FGF13: variants seen among roughly 807,000 people sequenced by gnomAD.
FGF13 encodes fibroblast growth factor homologous factor 2.
In FGF13, 2 loss-of-function variants were observed where a neutral mutation model predicts 19.5. The ratio of observed to expected loss-of-function variants is 0.10; its 90% CI spans 0.04 to 0.32. The LOEUF is 0.32. Among genes scored for constraint, FGF13 ranks in the 10% least tolerant of loss-of-function variants. FGF13 has a pLI of 1.00. For missense variants in FGF13, 113 were observed against 192.7 expected, an observed-to-expected ratio of 0.59 and a Z score of 2.45; for synonymous variants, 72 against 76.9, an observed-to-expected ratio of 0.94 and a Z score of 0.33.
intron 1 of FGF13, among the ~76,000 whole-genome samples, chrX:139,122,754 C>G (rs758196989): frequency 2.7e-5 from 3 of 111,509 alleles, no homozygotes; most frequent in Admixed American, 9.6e-5. Flanking sequence ...CTCAGTCCCT[C>G]AGACCAAACT....
At chrX:138,967,075 C>G (rs1162278073) in intron 1 of FGF13, among the ~76,000 whole-genome samples, 2 of 111,132 alleles carry the variant, frequency 1.8e-5, no homozygotes, top group Admixed American at 9.6e-5. Flanking sequence ...TATAAATTAT[C>G]CAGTCTTGGG....
At chrX:138,719,851 C>T (rs1382397232) in intron 1 of FGF13, among the ~76,000 whole-genome samples, 1 of 112,700 alleles carries the variant, frequency 8.9e-6, no homozygotes, top group East Asian at 2.8e-4. Context: ...TTTCGTGCAA[C>T]CACTGAAGGC....
chrX:139,096,347 A>G (rs2083469969), intron 1 of FGF13, among the ~76,000 whole-genome samples: 1 of 111,936 alleles, frequency 8.9e-6, no homozygotes, highest in African/African-American at 3.2e-5. Context: ...CTTGAGAAGC[A>G]ATGAGTATTT....
intron 1 of FGF13, among the ~76,000 whole-genome samples, chrX:139,097,553 A>C (rs1603198593): frequency 1.2e-5 from 1 of 83,272 alleles, no homozygotes; most frequent in African/African-American, 5.0e-5. Context: ...AAAAGGTGGC[A>C]AAAAAAAAGG....
chrX:138,953,786 A>G (rs2091826848), intron 1 of FGF13, among the ~76,000 whole-genome samples: 1 of 110,874 alleles, frequency 9.0e-6, no homozygotes, highest in African/African-American at 3.3e-5. Flanking sequence ...CAGATCTTAA[A>G]TCACCATCTG....
intron 3 of FGF13, among the ~76,000 whole-genome samples, chrX:138,752,969 G>T (rs1351210578): frequency 1.8e-5 from 2 of 111,989 alleles, no homozygotes; most frequent in Non-Finnish European, 3.8e-5. Context: ...AACATGAAAT[G>T]AATCTTAAAA....
Position 138,781,222 on chromosome X carries a change from C to A in FGF13, c.218-72294G>T, listed in dbSNP as rs777436107. Among the ~76,000 whole-genome samples the A allele has an allele frequency of 1.6e-3, 180 of 109,865 alleles. 1 individual carries two copies. The highest frequency in any genetic ancestry group is 2.8e-3 in the Non-Finnish European group (150 of 52,798). On this transcript the variant is annotated intron_variant, in intron 3 of 6. Coordinates refer to the FGF13 transcript ENST00000436198. Reference sequence around the variant, plus strand: ...GCCTACAAGAGAAAGCAGGAAAGATCAAAAATTGACACCCTAACATCACAA... The same window carrying A: ...GCCTACAAGAGAAAGCAGGAAAGATAAAAAATTGACACCCTAACATCACAA...
intron 2 of FGF13, among the ~76,000 whole-genome samples, chrX:138,861,988 G>A (rs2091290685): frequency 8.9e-6 from 1 of 111,993 alleles, no homozygotes; most frequent in African/African-American, 3.2e-5. Context: ...GGGCGACAGA[G>A]TGAGACGCCA....
intron 1 of FGF13, among the ~76,000 whole-genome samples, chrX:138,973,134 C>T (rs185218007): frequency 8.0e-5 from 9 of 111,975 alleles, no homozygotes; most frequent in Middle Eastern, 4.6e-3. Context: ...CTTTTTAATG[C>T]AAGCATTTAT....
intron 1 of FGF13, among the ~76,000 whole-genome samples, chrX:138,892,351 A>G (rs1354496366): frequency 9.0e-6 from 1 of 111,635 alleles, no homozygotes; most frequent in African/African-American, 3.3e-5. Context: ...AATATTAAGT[A>G]CAGTGTCTGA....
intron 1 of FGF13, among the ~76,000 whole-genome samples, chrX:138,930,222 C>G (rs1199452936): frequency 1.8e-5 from 2 of 111,667 alleles, no homozygotes; most frequent in Admixed American, 1.9e-4. Flanking sequence ...TGTTAAATTC[C>G]TAGCAAAACA....
intron 1 of FGF13, among the ~76,000 whole-genome samples, chrX:139,069,619 A>C (rs1454723371): frequency 1.8e-5 from 2 of 110,674 alleles, no homozygotes; most frequent in Non-Finnish European, 3.8e-5. Context: ...ATAATTTAAA[A>C]AAAAAAACTA....
Position 138,922,071 on chromosome X carries a change from G to C in FGF13, c.-112-57421C>G, listed in dbSNP as rs183022640. ...TCTGTAGCTTAAGGTGTCAATAGCT[G>C]ATTTTGCTACTGGCTATGCTCCAAA... On this transcript the variant is annotated intron_variant, in intron 1 of 2. Coordinates refer to the FGF13 transcript ENST00000421460. Among the ~76,000 whole-genome samples the C allele has an allele frequency of 5.7e-4, 62 of 108,036 alleles. 1 individual carries two copies. The highest frequency in any genetic ancestry group is 8.2e-4 in the Non-Finnish European group (43 of 52,338). 93.8% of individuals were successfully genotyped at this position (108,036 alleles called of 115,157 possible). A position where few individuals can be genotyped will look rare whatever the true frequency, so the allele number is the denominator to read the frequency against.
intron 1 of FGF13, among the ~76,000 whole-genome samples, chrX:138,977,590 A>C (rs1454658884): frequency 8.9e-6 from 1 of 112,653 alleles, no homozygotes; most frequent in Non-Finnish European, 1.9e-5. Context: ...TTGCTCATGA[A>C]TATCTGACCT....
At chrX:138,823,298 A>G (rs1487171058) in intron 3 of FGF13, among the ~76,000 whole-genome samples, 1 of 111,181 alleles carries the variant, frequency 9.0e-6, no homozygotes, top group Non-Finnish European at 1.9e-5. Context: ...GCGCACTAGG[A>G]GGAGTGCATG....
chrX:138,995,194 A>T (rs1190223641), intron 1 of FGF13, among the ~76,000 whole-genome samples: 3 of 111,711 alleles, frequency 2.7e-5, no homozygotes, highest in African/African-American at 9.8e-5. Context: ...ATTGTGAAAC[A>T]TTGCATTGAC....
intron 1 of FGF13, among the ~76,000 whole-genome samples, chrX:139,122,714 T>C (rs188097215): frequency 1.1e-4 from 12 of 111,405 alleles, no homozygotes; most frequent in Non-Finnish European, 7.5e-5. Context: ...CCCTAAGACT[T>C]CTTCATCTTA....
intron 1 of FGF13, among the ~76,000 whole-genome samples, chrX:139,107,434 T>C (rs1317661011): frequency 8.9e-6 from 1 of 112,350 alleles, no homozygotes; most frequent in Admixed American, 9.4e-5. Flanking sequence ...TGATAAAATA[T>C]GCTGATCCTG....
Position 138,621,267 on chromosome X carries a change from A to C in FGF13, c.*11583T>G, listed in dbSNP as rs888414976. 8.9e-6 allele frequency: 1 copy of C among 112,061 alleles called. No homozygotes were observed. The highest frequency in any genetic ancestry group is 9.5e-5 in the Admixed American group (1 of 10,523). The allele number at this position is 112,061 out of a possible 1,213,427, so 9.2% of individuals were successfully genotyped here. A position where few individuals can be genotyped will look rare whatever the true frequency, so the allele number is the denominator to read the frequency against. On this transcript the variant is annotated 3_prime_UTR_variant, in exon 5 of 5. Transcript: ENST00000315930. ...TAACAAAACTAAGAAGATTGAAATC[A>C]TACCAAATATCTTTTCTGACCACAA...
Sources: allele counts gnomAD v4.1 joint callset (sites outside exome capture counted in the v4.1 genomes callset), GRCh38; gene constraint gnomAD v4.1.1; transcripts MANE v1.5; gene names NCBI Gene and HGNC (gene_info 2026-07-23, HGNC 2026-07-21).